ZBTB16: variants seen among roughly 807,000 people sequenced by gnomAD.
ZBTB16 encodes zinc finger and BTB domain-containing protein 16.
A neutral mutation model predicts 56.8 loss-of-function variants in ZBTB16; 8 were observed. The ratio of observed to expected loss-of-function variants is 0.14; its 90% confidence interval spans 0.08 to 0.25. The LOEUF is 0.25. Among genes scored for constraint, ZBTB16 ranks in the 10% least tolerant of loss-of-function variants. The pLI, the probability that ZBTB16 is intolerant of heterozygous loss-of-function variation, is 1.00. For missense variants in ZBTB16, 625 were observed against 903.0 expected, an observed-to-expected ratio of 0.69 and a Z score of 3.95; for synonymous variants, 363 against 368.5, an observed-to-expected ratio of 0.98 and a Z score of 0.17.
chr11:114,124,918 G>A (rs1941463714), intron 2 of ZBTB16, among the ~76,000 whole-genome samples: 1 of 152,146 alleles, frequency 6.6e-6, no homozygotes. Flanking sequence ...CAGGAAGCTT[G>A]CACTGTGTTT....
In ZBTB16 at chr11:114,064,535, A is replaced by G. The variant is rs368472066; in HGVS notation, c.1235A>G (p.Glu412Gly). 2.1e-5 allele frequency: 34 copies of G among 1,613,768 alleles called. No individual in the cohort carries two copies. Among genetic ancestry groups the G allele is most frequent in the Non-Finnish European group, 2.9e-5 (34 of 1,179,990 alleles). ...IGEQCSVCGV[E>G]LPDNEAVEQH... is the part of the protein sequence containing the mutation. Reference sequence around the variant, plus strand: ...GAGCAGTGCAGCGTGTGTGGGGTCGAGCTTCCTGATAACGAGGCTGTGGAG... The same window carrying G: ...GAGCAGTGCAGCGTGTGTGGGGTCGGGCTTCCTGATAACGAGGCTGTGGAG... The change falls in exon 2 of 7, where the codon GAG becomes GGG. Residue 412 changes from glutamate (E) to glycine (G), a missense_variant. Glu to Gly is a moderately conservative substitution (Grantham distance 98). Around this residue, in one of 6 missense-constraint regions of ZBTB16, gnomAD observed 384 missense variants for 393.5 expected, o/e 0.98. Transcript: ENST00000335953. The surrounding 1 kb of genome is among the most constrained non-coding windows in gnomAD (Gnocchi z 4.2).
At chr11:114,230,270 A>G (rs1405136748) in intron 4 of ZBTB16, among the ~76,000 whole-genome samples, 2 of 152,182 alleles carry the variant, frequency 1.3e-5, no homozygotes, top group East Asian at 3.8e-4. Context: ...ACATGAAACA[A>G]ACGCAAGGAG....
At chr11:114,198,643 C>A (rs1455737525) in intron 4 of ZBTB16, among the ~76,000 whole-genome samples, 1 of 152,090 alleles carries the variant, frequency 6.6e-6, no homozygotes, top group Non-Finnish European at 1.5e-5. Flanking sequence ...TATAGAGTTC[C>A]CACTGTACCC....
At chr11:114,244,877 C>T (rs112029428) in intron 5 of ZBTB16, among the ~76,000 whole-genome samples, 1,568 of 152,314 alleles carry the variant, frequency 0.01, 12 homozygotes, top group Admixed American at 0.014. Context: ...TCACCCCCAC[C>T]CGGCTGGGTG....
rs150806485 is a variant in ZBTB16, at chr11:114,231,657, A to G, written c.1454-10510A>G. Among the ~76,000 whole-genome samples, 356 of 152,302 alleles carry G rather than the reference A, an allele frequency of 2.3e-3. 1 individual carries two copies. The highest frequency in any genetic ancestry group is 8.3e-3 in the African/African-American group (346 of 41,570). On this transcript the variant is annotated intron_variant, in intron 4 of 6. Transcript: ENST00000335953. Reference sequence around the variant, plus strand: ...TTGGCACCCAGCAGGTGCCCAGTCAATGTTGGATCCTTTCTTTGCCTTGTC... The same window carrying G: ...TTGGCACCCAGCAGGTGCCCAGTCAGTGTTGGATCCTTTCTTTGCCTTGTC...
intron 2 of ZBTB16, among the ~76,000 whole-genome samples, chr11:114,148,679 G>T (rs1316715594): frequency 1.3e-5 from 2 of 151,394 alleles, no homozygotes; most frequent in Non-Finnish European, 2.9e-5. Context: ...ATTTTTAGTA[G>T]AGACGGGGTT....
chr11:114,195,931 C>T (rs1024376250), intron 4 of ZBTB16, among the ~76,000 whole-genome samples: 22 of 152,134 alleles, frequency 1.4e-4, no homozygotes, highest in African/African-American at 3.9e-4. Context: ...CTATGTCCTC[C>T]GGCCAAGAGG....
At chr11:114,117,527 T>C (rs896010668) in intron 2 of ZBTB16, among the ~76,000 whole-genome samples, 1 of 150,812 alleles carries the variant, frequency 6.6e-6, no homozygotes, top group Admixed American at 6.6e-5. Flanking sequence ...GAACAGGTCA[T>C]GTTGATTGGG....
chr11:114,112,649 C>A (rs904218010), intron 2 of ZBTB16, among the ~76,000 whole-genome samples: 2 of 152,182 alleles, frequency 1.3e-5, no homozygotes, highest in Admixed American at 1.3e-4. Context: ...CTAAGAGTTA[C>A]CTGTCCAGAA....
At chr11:114,197,500 T>C (rs1943636902) in intron 4 of ZBTB16, among the ~76,000 whole-genome samples, 1 of 152,044 alleles carries the variant, frequency 6.6e-6, no homozygotes, top group Admixed American at 6.6e-5. Flanking sequence ...CCTTTGGAGG[T>C]GCAGAACTGT....
chr11:114,222,295 C>T (rs1426522136), intron 4 of ZBTB16, among the ~76,000 whole-genome samples: 1 of 152,144 alleles, frequency 6.6e-6, no homozygotes, highest in Non-Finnish European at 1.5e-5. Flanking sequence ...TTCTCAGTGG[C>T]CTCTTGGACT....
At chr11:114,101,852 A>T (rs1489405984) in intron 2 of ZBTB16, among the ~76,000 whole-genome samples, 1 of 152,184 alleles carries the variant, frequency 6.6e-6, no homozygotes, top group Non-Finnish European at 1.5e-5. Context: ...ATACATTCAT[A>T]TATTTGTTGC....
rs1939880597 is a variant in ZBTB16, at chr11:114,084,134, T to C, written c.1268+19566T>C. On this transcript the variant is annotated intron_variant, in intron 2 of 6. Coordinates refer to ENST00000335953, the MANE Select transcript of ZBTB16 (RefSeq NM_006006.6). Reference sequence around the variant, plus strand: ...TTGCATGCTCTCAGGTTATTTCCTTTGTTCTTGGCTGTCTGATTGCTCCCA... The same window carrying C: ...TTGCATGCTCTCAGGTTATTTCCTTCGTTCTTGGCTGTCTGATTGCTCCCA... 2.0e-5 allele frequency among the ~76,000 whole-genome samples: 3 copies of C among 152,246 alleles called. No homozygotes were observed. In the South Asian group the frequency reaches 6.2e-4, roughly 32 times the overall value.
chr11:114,230,632 G>GGA (rs1555159019), intron 4 of ZBTB16, among the ~76,000 whole-genome samples: 1 of 986 alleles, frequency 1.0e-3, no homozygotes, highest in Non-Finnish European at 3.7e-3. Context: ...CATCTTCTGT[G>GGA]GGGGGGGGGC....
intron 2 of ZBTB16, among the ~76,000 whole-genome samples, chr11:114,105,243 TC>T (rs147099950): frequency 2.7e-5 from 4 of 147,740 alleles, no homozygotes; most frequent in African/African-American, 5.2e-5. Flanking sequence ...TCTCTCTCTC[TC>T]TTTTTTTTTT....
At chr11:114,175,585 A>G (rs1464733593) in intron 3 of ZBTB16, among the ~76,000 whole-genome samples, 2 of 151,922 alleles carry the variant, frequency 1.3e-5, no homozygotes, top group Admixed American at 1.3e-4. Context: ...CCTCCCGAGT[A>G]GCTGGGAGAG....
intron 2 of ZBTB16, among the ~76,000 whole-genome samples, chr11:114,139,680 T>C (rs1168571845): frequency 6.9e-6 from 1 of 144,556 alleles, no homozygotes; most frequent in Non-Finnish European, 1.5e-5. Flanking sequence ...AGGATTCTTA[T>C]GGAAGGTGCC....
At chr11:114,153,670 G>T (rs1318993523) in intron 2 of ZBTB16, among the ~76,000 whole-genome samples, 5 of 152,226 alleles carry the variant, frequency 3.3e-5, no homozygotes, top group African/African-American at 1.2e-4. Context: ...TAGCCTGGCT[G>T]CCTCAGTGTC....
intron 2 of ZBTB16, among the ~76,000 whole-genome samples, chr11:114,065,584 TTTTGAATTTTTAGTAGAGA>T (rs1939085148): frequency 1.3e-5 from 2 of 152,164 alleles, no homozygotes; most frequent in African/African-American, 4.8e-5. Context: ...ACCTGGCTAA[TTTTGAATTTTTAGTAGAGA>T]CGGGCTTTCA....
Sources: gnomAD v4.1 joint callset for allele counts (sites outside exome capture counted in the v4.1 genomes callset) on GRCh38, gnomAD v4.1.1 for gene constraint, gnomAD v4.1.1 regional missense constraint, Gnocchi (gnomAD v3.1) non-coding constraint, MANE v1.5 for transcripts, NCBI Gene and HGNC (gene_info 2026-07-23, HGNC 2026-07-21) for gene names.